Variants in TNRC6C observed in about 807,000 individuals in gnomAD.
The protein encoded by TNRC6C is trinucleotide repeat containing adaptor 6C, also known as trinucleotide repeat-containing gene 6C protein.
TNRC6C carries 20 observed loss-of-function variants against 153.7 expected under a neutral mutation model. That is an observed-to-expected ratio of 0.13 (90% CI 0.09 to 0.19). The LOEUF (loss-of-function observed/expected upper bound fraction) is 0.19, where lower values mean the gene tolerates loss of function less well. TNRC6C is among the 10% of genes least tolerant of loss of function. The pLI, the probability that TNRC6C is intolerant of heterozygous loss-of-function variation, is 1.00. For missense variants in TNRC6C, 1,987 were observed against 2,172.0 expected, an observed-to-expected ratio of 0.91 and a Z score of 1.69; for synonymous variants, 811 against 841.4, an observed-to-expected ratio of 0.96 and a Z score of 0.63.
At chr17:78,012,510 A>G (rs571213888) in intron 1 of TNRC6C, among the ~76,000 whole-genome samples, 31 of 152,200 alleles carry the variant, frequency 2.0e-4, no homozygotes, top group Non-Finnish European at 1.2e-4. Context: ...CTTTTTTAAA[A>G]AAGTTCCCTG....
At chr17:78,084,893 A>G (rs539153291) in intron 11 of TNRC6C, among the ~76,000 whole-genome samples, 1 of 152,120 alleles carries the variant, frequency 6.6e-6, no homozygotes, top group South Asian at 2.1e-4. Context: ...CAGACTCCCA[A>G]AGTGCTGGGA....
chr17:78,037,638 G>A (rs1281467292), intron 2 of TNRC6C, among the ~76,000 whole-genome samples: 1 of 152,228 alleles, frequency 6.6e-6, no homozygotes, highest in Non-Finnish European at 1.5e-5. Context: ...CTCAGTAAGC[G>A]CTGCAGGCTC....
chr17:78,104,925 AC>A lies in TNRC6C; in HGVS notation c.*83del. ...TGGGCGGCCCCACAGACCCGCTGGA[AC>A]CCAGCAGCGGCCGCCCTTTTGAGTA... On this transcript the variant is annotated 3_prime_UTR_variant, in exon 20 of 20. Coordinates refer to ENST00000301624, the Ensembl canonical transcript of TNRC6C. The surrounding 1 kb of genome is among the most constrained non-coding windows in gnomAD (Gnocchi z 6.2). The A allele has an allele frequency of 7.4e-7, 1 of 1,356,044 alleles. No individual in the cohort carries two copies. The highest frequency in any genetic ancestry group is 9.4e-7 in the Non-Finnish European group (1 of 1,058,462). The allele number at this position is 1,356,044 out of a possible 1,614,324, so 84.0% of individuals were successfully genotyped here. A position where few individuals can be genotyped will look rare whatever the true frequency, so the allele number is the denominator to read the frequency against.
At chr17:78,003,930 G>T (rs569625520), upstream of TNRC6C, among the ~76,000 whole-genome samples, 23 of 152,310 alleles carry the variant, frequency 1.5e-4, no homozygotes, top group Middle Eastern at 6.8e-3. Context: ...CCCCAGCAAT[G>T]CCTGATGATG....
chr17:78,044,107 A>G (rs79873588), intron 2 of TNRC6C, among the ~76,000 whole-genome samples: 2,271 of 152,258 alleles, frequency 0.015, 68 homozygotes, highest in African/African-American at 0.052. Context: ...ATCAAACCCT[A>G]TCTATGTTTT....
exon 20 of TNRC6C, chr17:78,107,505 A>G (rs950061274): frequency 6.6e-6 from 1 of 152,252 alleles, no homozygotes; most frequent in Non-Finnish European, 1.5e-5. Context: ...ATGGATGTCT[A>G]CTTTGCACGC....
intron 17 of TNRC6C, 101 bp downstream of exon 20, chr17:78,098,638 A>C (rs1334961144): frequency 2.2e-6 from 3 of 1,363,212 alleles, no homozygotes; most frequent in Non-Finnish European, 3.0e-6. Flanking sequence ...CCTGCCTGTA[A>C]CTCTGGAGCC....
chr17:78,094,561 C>T (rs1319591973), intron 16 of TNRC6C, among the ~76,000 whole-genome samples: 3 of 151,976 alleles, frequency 2.0e-5, no homozygotes, highest in Admixed American at 6.5e-5. Context: ...GCCTCAGCCT[C>T]CCGATTAGCT....
At chr17:78,108,402 C>G (rs1164994113) in exon 20 of TNRC6C, 1 of 154,910 alleles carries the variant, frequency 6.5e-6, no homozygotes, top group Non-Finnish European at 1.5e-5. Flanking sequence ...TCAAAATGCA[C>G]TTGAACCTGG....
rs1025438965 is a variant in TNRC6C, at chr17:78,075,239, CAAAG to C, written c.3023_3026del (p.Lys1008SerfsTer31). ...CCCTCGGCTGCCGCCCGCCAATCTC[CAAAG>C]AGTCTTCCGTGGACCGCCCCACCTT... On this transcript the variant is annotated frameshift_variant, in exon 8 of 20. Transcript: ENST00000301624. LOFTEE classifies it high-confidence loss of function. This position sits in a 1 kb window ranked among gnomAD's most constrained non-coding sequence, Gnocchi z 4.2. 1.2e-6 allele frequency: 2 copies of C among 1,603,862 alleles called. No individual in the cohort carries two copies. Among genetic ancestry groups the C allele is most frequent in the African/African-American group, 2.7e-5 (2 of 74,776 alleles).
chr17:78,063,934 C>T (rs1210733507), intron 3 of TNRC6C, among the ~76,000 whole-genome samples: 1 of 152,166 alleles, frequency 6.6e-6, no homozygotes, highest in African/African-American at 2.4e-5. Context: ...TTAAACTATT[C>T]TTTTAAACCC....
rs932629076 is a variant in TNRC6C at position 77,992,283 on chromosome 17, A to G, written c.-37-11887A>G. On this transcript the variant is annotated intron_variant, in intron 1 of 22. Coordinates refer to the TNRC6C transcript ENST00000636222. ...GGGAGGCCGAGACGGGCGGATCACG[A>G]GGTCAGGAGATCGAGACCATCCTGG... Among the ~76,000 whole-genome samples the G allele has an allele frequency of 3.7e-3, 421 of 115,160 alleles. 97 individuals carry two copies. Among genetic ancestry groups the G allele is most frequent in the Non-Finnish European group, 5.8e-3 (340 of 59,048 alleles). The allele number at this position is 115,160 out of a possible 152,430, so 75.5% of individuals were successfully genotyped here. A position where few individuals can be genotyped will look rare whatever the true frequency, so the allele number is the denominator to read the frequency against.
intron 1 of TNRC6C, among the ~76,000 whole-genome samples, chr17:77,976,612 T>C (rs982143662): frequency 2.0e-5 from 3 of 152,106 alleles, no homozygotes; most frequent in African/African-American, 7.2e-5. Flanking sequence ...CTAAGCAATA[T>C]ATAGTCACTA....
At chr17:78,082,998 CTATTT>C in intron 10 of TNRC6C, 44 bp from the exon 13 acceptor site, 1 of 1,598,172 alleles carries the variant, frequency 6.3e-7, no homozygotes, top group Non-Finnish European at 8.5e-7. Flanking sequence ...GTACAAGTAA[CTATTT>C]TAACAGAGAT....
intron 1 of TNRC6C, among the ~76,000 whole-genome samples, chr17:77,986,422 A>AG (rs1193965031): frequency 8.2e-6 from 1 of 121,950 alleles, no homozygotes; most frequent in African/African-American, 3.1e-5. Flanking sequence ...TCAAAAAAAA[A>AG]AAAAAAGAAG....
intron 1 of TNRC6C, among the ~76,000 whole-genome samples, chr17:77,960,014 G>A (rs1269481751): frequency 6.6e-6 from 1 of 152,122 alleles, no homozygotes; most frequent in African/African-American, 2.4e-5. Flanking sequence ...CGGAGCTTTG[G>A]GGATCTTAGC....
At chr17:78,092,000 GGGTGCATTT>G (rs1423207575) in intron 14 of TNRC6C, among the ~76,000 whole-genome samples, 2 of 152,112 alleles carry the variant, frequency 1.3e-5, no homozygotes, top group East Asian at 3.9e-4. Context: ...GTAAATACTA[GGGTGCATTT>G]CTGTTGGTTA....
intron 1 of TNRC6C, among the ~76,000 whole-genome samples, chr17:77,970,914 TG>T (rs1293228725): frequency 6.6e-6 from 1 of 151,980 alleles, no homozygotes; most frequent in Non-Finnish European, 1.5e-5. Context: ...GAGGCTGAGG[TG>T]GGAGGATCAC....
chr17:78,038,501 A>G (rs111770573), intron 2 of TNRC6C, among the ~76,000 whole-genome samples: 8,635 of 151,490 alleles, frequency 0.057, 599 homozygotes, highest in African/African-American at 0.17. Flanking sequence ...GTGAAACCCC[A>G]TCTCTACTAA....
Sources: gnomAD v4.1 joint callset for allele counts (sites outside exome capture counted in the v4.1 genomes callset) on GRCh38, gnomAD v4.1.1 for gene constraint, Gnocchi (gnomAD v3.1) non-coding constraint, MANE v1.5 for transcripts, NCBI Gene and HGNC (gene_info 2026-07-23, HGNC 2026-07-21) for gene names.